Variants in ELAPOR2 observed in about 807,000 individuals in gnomAD.
ELAPOR2 encodes endosome-lysosome associated apoptosis and autophagy regulator family member 2.
ELAPOR2 carries 89 observed loss-of-function variants against 120.7 expected under a neutral mutation model. The observed-to-expected ratio is 0.74, with a 90% CI of 0.62 to 0.88. The LOEUF is 0.88. Ranked by LOEUF, ELAPOR2 falls within the 40% of genes least tolerant of loss-of-function variation. ELAPOR2 has a pLI of 0.00. For synonymous variants in ELAPOR2, 444 were observed against 444.9 expected, an observed-to-expected ratio of 1.00 and a Z score of 0.03; for missense variants, 1,134 against 1,251.6, an observed-to-expected ratio of 0.91 and a Z score of 1.42.
intron 18 of ELAPOR2, among the ~76,000 whole-genome samples, chr7:86,903,713 G>A (rs112740405): frequency 1.7e-4 from 26 of 152,256 alleles, no homozygotes; most frequent in African/African-American, 5.8e-4. Context: ...ATTCCCAGAG[G>A]CTATACTGAT....
chr7:87,022,549 G>A (rs1794087314), intron 1 of ELAPOR2, among the ~76,000 whole-genome samples: 1 of 152,106 alleles, frequency 6.6e-6, no homozygotes, highest in Non-Finnish European at 1.5e-5. Flanking sequence ...ATGTGTGCAT[G>A]TATCTTTATA....
Position 87,005,625 on chromosome 7 carries a change from T to C in ELAPOR2, c.190-40601A>G, listed in dbSNP as rs544311165. On this transcript the variant is annotated intron_variant, in intron 1 of 21. Coordinates refer to ENST00000450689, the MANE Select transcript of ELAPOR2 (RefSeq NM_001142749.3). The stretch of plus-strand genomic sequence containing the variant: ...ATTATTCAGAGAACTCTCACTGATG[T>C]GGACAACTGATTTTCCAAAATGGTG... Among the ~76,000 whole-genome samples the C allele has an allele frequency of 9.9e-4, 151 of 152,298 alleles. 4 individuals carry two copies. In the South Asian group the frequency reaches 0.028, roughly 29 times the overall value.
chr7:87,046,875 G>C (rs889466644), intron 1 of ELAPOR2, among the ~76,000 whole-genome samples: 2 of 152,092 alleles, frequency 1.3e-5, no homozygotes, highest in African/African-American at 4.8e-5. Flanking sequence ...GAAAAGAACT[G>C]ATACACTATC....
intron 1 of ELAPOR2, among the ~76,000 whole-genome samples, chr7:87,006,971 T>C (rs1291344012): frequency 6.6e-6 from 1 of 152,188 alleles, no homozygotes; most frequent in African/African-American, 2.4e-5. Context: ...AAGTATGTAC[T>C]GTATAATTCC....
intron 2 of ELAPOR2, among the ~76,000 whole-genome samples, chr7:86,964,106 GAA>G (rs1362138494): frequency 6.6e-6 from 1 of 152,072 alleles, no homozygotes; most frequent in Non-Finnish European, 1.5e-5. Flanking sequence ...CTTTCATTTG[GAA>G]ACAGAAAAAC....
chr7:86,916,102 GC>G (rs1789557515), intron 12 of ELAPOR2, among the ~76,000 whole-genome samples: 1 of 152,120 alleles, frequency 6.6e-6, no homozygotes, highest in East Asian at 1.9e-4. Flanking sequence ...AAAGAAAATG[GC>G]AGACTTTGCC....
chr7:87,039,933 C>G (rs1320165522), intron 1 of ELAPOR2, among the ~76,000 whole-genome samples: 2 of 152,186 alleles, frequency 1.3e-5, no homozygotes, highest in Non-Finnish European at 2.9e-5. Flanking sequence ...CGAGCCAAAG[C>G]AGGGTGAGGC....
At position 86,897,469 on chromosome 7, in the gene ELAPOR2, T is replaced by C. The variant is rs750540540; in HGVS notation, c.2685+37A>G. 3 of 1,599,228 alleles carry C rather than the reference T, an allele frequency of 1.9e-6. No homozygotes were observed. In the East Asian group the frequency reaches 6.8e-5, roughly 36 times the overall value. ...GATTTGATGCCAGATTAACCAACTATAATGCCGAAGCTCTGCCTTGAGAGT... is the reference window on the plus strand; with the variant it reads ...GATTTGATGCCAGATTAACCAACTACAATGCCGAAGCTCTGCCTTGAGAGT... On this transcript the variant is annotated intron_variant, in intron 19 of 21. Transcript: ENST00000450689.
intron 18 of ELAPOR2, among the ~76,000 whole-genome samples, chr7:86,904,260 G>C (rs1384290882): frequency 6.6e-6 from 1 of 152,102 alleles, no homozygotes; most frequent in African/African-American, 2.4e-5. Flanking sequence ...AATGTCTCAT[G>C]TTTTTAAAAG....
intron 10 of ELAPOR2, among the ~76,000 whole-genome samples, chr7:86,924,756 G>T (rs75757125): frequency 0.023 from 2,810 of 121,632 alleles, 70 homozygotes; most frequent in East Asian, 0.12. Context: ...TTTTTTTTTT[G>T]AATAGATATT....
chr7:86,912,862 A>G lies in ELAPOR2; in HGVS notation c.1995+79T>C. 7 of 1,502,882 alleles carry G rather than the reference A, an allele frequency of 4.7e-6. No individual in the cohort carries two copies. In the South Asian group the frequency reaches 8.7e-5, roughly 19 times the overall value. 93.1% of individuals were successfully genotyped at this position (1,502,882 alleles called of 1,614,324 possible). ...TAAATAGCAACCTCATAGCTCCCAG[A>G]GAAACATTAAGGAGAACGCTTGAAT... On this transcript the variant is annotated intron_variant, in intron 14 of 21. Transcript: ENST00000450689.
intron 21 of ELAPOR2, among the ~76,000 whole-genome samples, chr7:86,882,236 G>A (rs997001970): frequency 1.3e-5 from 2 of 152,114 alleles, no homozygotes; most frequent in Admixed American, 6.5e-5. Context: ...ACCATGACTA[G>A]ACTTTAGGGA....
At position 86,944,984 on chromosome 7, in the gene ELAPOR2, A is replaced by G; in HGVS notation, c.569T>C (p.Leu190Ser). 5 of 1,550,990 alleles carry G rather than the reference A, an allele frequency of 3.2e-6. No individual in the cohort carries two copies. Among genetic ancestry groups the G allele is most frequent in the Non-Finnish European group, 4.4e-6 (5 of 1,146,610 alleles). ...ESNRDDCTVS[L>S]IYAVHLKKSG... is the part of the protein sequence containing the mutation. ...CTTCTTAAGGTGCACAGCATAGATC[A>G]AAGACACCGTGCAGTCATCACGATT... The change falls in exon 4 of 22, where the codon TTG (leucine) becomes TCG (serine). Residue 190 changes from leucine (L) to serine (S), a missense_variant. By Grantham distance (145) the Leu-to-Ser change is moderately radical. Coordinates refer to ENST00000450689, the MANE Select transcript of ELAPOR2 (RefSeq NM_001142749.3).
chr7:87,027,605 G>A (rs951166860), intron 1 of ELAPOR2, among the ~76,000 whole-genome samples: 2 of 152,164 alleles, frequency 1.3e-5, no homozygotes, highest in African/African-American at 4.8e-5. Flanking sequence ...CAATATGGCT[G>A]CTATCCTTAT....
chr7:86,914,178 C>T (rs1341662345), intron 13 of ELAPOR2, among the ~76,000 whole-genome samples: 1 of 152,094 alleles, frequency 6.6e-6, no homozygotes, highest in African/African-American at 2.4e-5. Flanking sequence ...ACTATTGAAA[C>T]ATATGGTACA....
At chr7:86,897,450 A>G in intron 19 of ELAPOR2, 56 bp downstream of exon 19, 1 of 1,572,738 alleles carries the variant, frequency 6.4e-7, no homozygotes, top group Non-Finnish European at 8.6e-7. Flanking sequence ...CTATGATTTG[A>G]TGCCAGATTA....
intron 6 of ELAPOR2, among the ~76,000 whole-genome samples, chr7:86,939,604 A>G (rs1466898374): frequency 1.3e-5 from 2 of 152,084 alleles, no homozygotes; most frequent in Non-Finnish European, 1.5e-5. Flanking sequence ...AAGGTTTAGG[A>G]AAGAGTCAGG....
At chr7:86,918,611 C>A (rs1033540677) in intron 11 of ELAPOR2, 67 bp from the exon 12 acceptor site, 3 of 1,029,500 alleles carry the variant, frequency 2.9e-6, no homozygotes, top group Non-Finnish European at 4.5e-6. Context: ...TAAAATTAAG[C>A]CACTATTTTT....
chr7:86,893,682 A>G (rs1788299127), intron 19 of ELAPOR2, among the ~76,000 whole-genome samples: 1 of 152,018 alleles, frequency 6.6e-6, no homozygotes, highest in African/African-American at 2.4e-5. Context: ...ATGCCAAAAT[A>G]AGGAGGGCAT....
Sources: allele counts gnomAD v4.1 joint callset (sites outside exome capture counted in the v4.1 genomes callset), GRCh38; gene constraint gnomAD v4.1.1; transcripts MANE v1.5; gene names NCBI Gene and HGNC (gene_info 2026-07-23, HGNC 2026-07-21).